The following ADAMTSL1 variants were observed in gnomAD, a reference collection of about 807,000 sequenced individuals.
ADAMTSL1 encodes ADAMTS like 1.
Under a neutral mutation model 201.8 loss-of-function variants are expected in ADAMTSL1, and 126 were observed. The ratio of observed to expected loss-of-function variants is 0.62; its 90% confidence interval spans 0.54 to 0.72. ADAMTSL1 has a LOEUF of 0.72. Ranked by LOEUF, ADAMTSL1 falls within the 30% of genes least tolerant of loss-of-function variation. ADAMTSL1 has a pLI of 0.00. For missense variants in ADAMTSL1, 2,679 were observed against 2,277.8 expected (o/e 1.18, Z -3.59); for synonymous variants, 1,121 against 903.4 (o/e 1.24, Z -4.32).
intron 3 of ADAMTSL1, 38 bp from the exon 4 acceptor site, chr9:18,573,992 C>T (rs1822523381): frequency 1.3e-6 from 2 of 1,571,338 alleles, no homozygotes; most frequent in African/African-American, 1.3e-5. Flanking sequence ...GGGGTATCCT[C>T]CTAACCTTTG....
At chr9:18,054,770 T>C (rs889892726) in intron 1 of ADAMTSL1, among the ~76,000 whole-genome samples, 1 of 152,246 alleles carries the variant, frequency 6.6e-6, no homozygotes, top group Admixed American at 6.5e-5. Flanking sequence ...GTCTTTTTAT[T>C]ATCTAGAGAG....
intron 2 of ADAMTSL1, among the ~76,000 whole-genome samples, chr9:18,206,369 C>G (rs1829649168): frequency 6.6e-6 from 1 of 152,136 alleles, no homozygotes; most frequent in Non-Finnish European, 1.5e-5. Flanking sequence ...AGCAGCATGT[C>G]TGCTGCTCCC....
chr9:17,998,335 T>G (rs563722890), intron 1 of ADAMTSL1, among the ~76,000 whole-genome samples: 9 of 152,010 alleles, frequency 5.9e-5, no homozygotes, highest in Admixed American at 1.3e-4. Flanking sequence ...CAAGTGTACA[T>G]GTAAAAGGAG....
intron 8 of ADAMTSL1, among the ~76,000 whole-genome samples, chr9:18,657,973 CTTTT>C (rs33924965): frequency 1.5e-4 from 19 of 126,322 alleles, no homozygotes; most frequent in Non-Finnish European, 1.3e-4. Flanking sequence ...AGGAAACAGT[CTTTT>C]TTTTTTTTTT....
intron 3 of ADAMTSL1, among the ~76,000 whole-genome samples, chr9:18,547,994 A>G (rs1564035809): frequency 6.6e-6 from 1 of 152,060 alleles, no homozygotes; most frequent in African/African-American, 2.4e-5. Flanking sequence ...TATATATAAT[A>G]CCAAGAAAGA....
At chr9:18,606,181 G>A (rs1405449047) in intron 4 of ADAMTSL1, among the ~76,000 whole-genome samples, 1 of 152,104 alleles carries the variant, frequency 6.6e-6, no homozygotes, top group East Asian at 1.9e-4. Context: ...TACTGGAGAT[G>A]TTTTTCCTCT....
chr9:17,940,198 G>A (rs1464391011), intron 1 of ADAMTSL1, among the ~76,000 whole-genome samples: 3 of 152,122 alleles, frequency 2.0e-5, no homozygotes, highest in Admixed American at 6.6e-5. Context: ...GTGTGTTTGT[G>A]TTTTAGCATA....
At chr9:18,867,619 C>T (rs1231528042) in intron 23 of ADAMTSL1, among the ~76,000 whole-genome samples, 2 of 152,066 alleles carry the variant, frequency 1.3e-5, no homozygotes, top group East Asian at 3.9e-4. Context: ...AATGTATATA[C>T]ATTGAAATGC....
intron 1 of ADAMTSL1, among the ~76,000 whole-genome samples, chr9:17,994,147 C>G (rs1819278369): frequency 6.6e-6 from 1 of 151,102 alleles, no homozygotes; most frequent in South Asian, 2.1e-4. Flanking sequence ...AGGGGTGATC[C>G]TCAAGATGTT....
intron 1 of ADAMTSL1, among the ~76,000 whole-genome samples, chr9:17,920,889 C>T (rs1020193361): frequency 8.5e-5 from 13 of 152,162 alleles, no homozygotes; most frequent in Admixed American, 2.6e-4. Flanking sequence ...GGCAAGAGGG[C>T]GGATTTGGCC....
intron 2 of ADAMTSL1, among the ~76,000 whole-genome samples, chr9:18,357,729 A>G (rs1386365879): frequency 6.6e-6 from 1 of 152,200 alleles, no homozygotes; most frequent in East Asian, 1.9e-4. Context: ...GCTACAAGGT[A>G]TAATATATAT....
At chr9:18,068,527 C>T (rs1394991880) in intron 1 of ADAMTSL1, among the ~76,000 whole-genome samples, 1 of 151,954 alleles carries the variant, frequency 6.6e-6, no homozygotes. Flanking sequence ...AGAACCAATC[C>T]TCCATGGATA....
Position 18,121,735 on chromosome 9 carries a change from A to G in ADAMTSL1, c.88-42127A>G, listed in dbSNP as rs556639499. Reference sequence around the variant, plus strand: ...AATGTCTAAGACTCCTCCTATGAGGAAAGAGAAATTAAAATGATGGTGTAT... The same window carrying G: ...AATGTCTAAGACTCCTCCTATGAGGGAAGAGAAATTAAAATGATGGTGTAT... On this transcript the variant is annotated intron_variant, in intron 1 of 29. Transcript: ENST00000680146. 5.0e-4 allele frequency among the ~76,000 whole-genome samples: 76 copies of G among 152,324 alleles called. 4 individuals carry two copies. The East Asian group carries it at 0.014, about 29-fold the overall frequency.
chr9:18,483,955 T>C (rs1048972979), intron 1 of ADAMTSL1, among the ~76,000 whole-genome samples: 2 of 152,256 alleles, frequency 1.3e-5, no homozygotes, highest in African/African-American at 4.8e-5. Context: ...AGTTATGTCA[T>C]ACCAATAAGC....
Position 18,795,413 on chromosome 9 carries a change from G to A in ADAMTSL1, c.3694G>A (p.Asp1232Asn). Residue 1232 changes from aspartate (D) to asparagine (N), a missense_variant, in exon 20 of 29, where the codon GAT becomes AAT. Transcript: ENST00000380548. ...QFSDRILLQPDDSLQILAPVE... is the reference protein window; with the variant it reads ...QFSDRILLQPNDSLQILAPVE... ...TCGCTCCAGGATTCTTCTACAGCCAGATGATTCCTTACAGATCTTGGCACC... is the reference window on the plus strand; with the variant it reads ...TCGCTCCAGGATTCTTCTACAGCCAAATGATTCCTTACAGATCTTGGCACC... The A allele has an allele frequency of 6.2e-7, 1 of 1,613,896 alleles. No homozygotes were observed. The highest frequency in any genetic ancestry group is 2.2e-5 in the East Asian group (1 of 44,874).
Position 18,902,845 on chromosome 9 carries a change from AGAGAG to A in ADAMTSL1, c.4852-2936_4852-2932del, listed in dbSNP as rs550423996. 4.0e-3 allele frequency among the ~76,000 whole-genome samples: 614 copies of A among 152,370 alleles called. 3 individuals are homozygous for A. The highest frequency in any genetic ancestry group is 6.0e-3 in the Non-Finnish European group (408 of 68,040). On this transcript the variant is annotated intron_variant, in intron 26 of 28. Transcript: ENST00000380548. ...TTTAGCTACATTGGCAAAGAAAAAA[AGAGAG>A]AAGACTCGAATTCCTAAAATCAGAA...
intron 1 of ADAMTSL1, among the ~76,000 whole-genome samples, chr9:17,937,528 T>C (rs952807710): frequency 3.9e-5 from 6 of 151,944 alleles, no homozygotes; most frequent in Admixed American, 3.9e-4. Context: ...GGAAAAAAAA[T>C]GGATTCCTAC....
intron 8 of ADAMTSL1, among the ~76,000 whole-genome samples, chr9:18,660,143 C>T (rs1828985027): frequency 6.6e-6 from 1 of 152,158 alleles, no homozygotes; most frequent in Non-Finnish European, 1.5e-5. Flanking sequence ...TTCTGGGTAT[C>T]AAATCTTGCT....
chr9:18,396,393 G>C (rs919663520), intron 2 of ADAMTSL1, among the ~76,000 whole-genome samples: 7 of 151,352 alleles, frequency 4.6e-5, no homozygotes, highest in African/African-American at 1.7e-4. Context: ...TTGTGCTGCA[G>C]TTTTTATGTT....
Sources: allele counts gnomAD v4.1 joint callset (sites outside exome capture counted in the v4.1 genomes callset), GRCh38; gene constraint gnomAD v4.1.1; transcripts MANE v1.5; gene names NCBI Gene and HGNC (gene_info 2026-07-23, HGNC 2026-07-21).